Variants in LMF1 observed in about 807,000 individuals in gnomAD.
The protein encoded by LMF1 is transmembrane protein 112.
A neutral mutation model predicts 60.6 loss-of-function variants in LMF1; 68 were observed. The ratio of observed to expected loss-of-function variants is 1.12; its 90% CI spans 0.92 to 1.37. LMF1 has a LOEUF of 1.37. Ranked by LOEUF, LMF1 falls within the 40% of genes most tolerant of loss-of-function variation. The pLI, the probability that LMF1 is intolerant of heterozygous loss-of-function variation, is 0.00. For synonymous variants in LMF1, 418 were observed against 324.7 expected (o/e 1.29, Z -3.09); for missense variants, 948 against 767.2 (o/e 1.24, Z -2.78).
At chr16:936,304 G>A (rs1320168446) in intron 2 of LMF1, among the ~76,000 whole-genome samples, 1 of 144,286 alleles carries the variant, frequency 6.9e-6, no homozygotes, top group Non-Finnish European at 1.5e-5. Context: ...AGGGCACCCC[G>A]TGGGCTGAGG....
intron 10 of LMF1, among the ~76,000 whole-genome samples, chr16:860,925 C>A (rs558598158): frequency 1.8e-4 from 28 of 152,208 alleles, no homozygotes; most frequent in African/African-American, 6.5e-4. Context: ...ACCTTGTTCT[C>A]TTTCAAAATG....
chr16:953,223 A>C (rs868716395), intron 2 of LMF1, among the ~76,000 whole-genome samples: 57 of 40,362 alleles, frequency 1.4e-3, no homozygotes, highest in African/African-American at 3.9e-3. Flanking sequence ...ACCCACCCCA[A>C]ACCAGCCTCC....
chr16:890,335 C>T (rs1215848179), intron 5 of LMF1, among the ~76,000 whole-genome samples: 1 of 152,216 alleles, frequency 6.6e-6, no homozygotes, highest in Non-Finnish European at 1.5e-5. Flanking sequence ...CCCAACTCAG[C>T]GGGGCTCCCT....
At chr16:959,191 GATAA>G (rs923485651) in intron 1 of LMF1, among the ~76,000 whole-genome samples, 2 of 152,208 alleles carry the variant, frequency 1.3e-5, no homozygotes, top group African/African-American at 4.8e-5. Flanking sequence ...GGTGGAAGTG[GATAA>G]ATAACCGGAG....
chr16:911,244 G>T, intron 3 of LMF1, 165 bp from the exon 4 acceptor site: 1 of 839,622 alleles, frequency 1.2e-6, no homozygotes, highest in Non-Finnish European at 2.0e-6. Context: ...GACACGCAAG[G>T]TCAGGTCTGC....
intron 3 of LMF1, among the ~76,000 whole-genome samples, chr16:917,346 T>A: frequency 1.8e-5 from 1 of 56,300 alleles, no homozygotes; most frequent in Non-Finnish European, 3.1e-5. Context: ...GCACTGCGGG[T>A]GGGCGCAGGC....
rs180961913 is a variant in LMF1, at chr16:889,743, G to A, written c.729+3264C>T. On this transcript the variant is annotated intron_variant, in intron 5 of 10. Transcript: ENST00000262301. Reference sequence around the variant, plus strand: ...TGCAGGCAGGGGCCTGCCACCTTCCGGAATCAGGTCCTCCTTGGAGAGAGG... The same window carrying A: ...TGCAGGCAGGGGCCTGCCACCTTCCAGAATCAGGTCCTCCTTGGAGAGAGG... 6.4e-4 allele frequency among the ~76,000 whole-genome samples: 97 copies of A among 152,284 alleles called. No homozygotes were observed. The South Asian group carries it at 0.018, about 28-fold the overall frequency.
intron 10 of LMF1, among the ~76,000 whole-genome samples, chr16:862,764 G>T (rs111535466): frequency 1.3e-5 from 2 of 152,078 alleles, no homozygotes; most frequent in African/African-American, 4.8e-5. Flanking sequence ...AGGCTGAGGC[G>T]GGAGGATAAT....
At position 855,900 on chromosome 16, in the gene LMF1, G is replaced by T. The variant is rs187387927; in HGVS notation, c.1530-1194C>A. 1.2e-3 allele frequency: 560 copies of T among 456,026 alleles called. 3 individuals carry two copies. Among genetic ancestry groups the T allele is most frequent in the African/African-American group, 9.9e-3 (497 of 50,200 alleles). The allele number at this position is 456,026 out of a possible 1,614,324, so 28.2% of individuals were successfully genotyped here. ...GGGCCATGCCCCTTAGGCTGGCAGG[G>T]TGAGGGCCTCTGGGTCCACCCGGCT... is the stretch of plus-strand genomic sequence containing the variant. On this transcript the variant is annotated intron_variant, in intron 10 of 10. Transcript: ENST00000262301.
chr16:917,974 C>T (rs1363007739), intron 3 of LMF1, among the ~76,000 whole-genome samples: 2 of 152,226 alleles, frequency 1.3e-5, no homozygotes, highest in African/African-American at 4.8e-5. Context: ...AGGAGGGCCG[C>T]CCTTCTGCTG....
At chr16:970,742 C>A in intron 1 of LMF1, 46 bp downstream of exon 1, 1 of 1,474,402 alleles carries the variant, frequency 6.8e-7, no homozygotes, top group Non-Finnish European at 9.1e-7. Flanking sequence ...GGTCGTGGTG[C>A]GCGGAGGTGA....
chr16:920,119 T>C (rs1327363273), intron 3 of LMF1, among the ~76,000 whole-genome samples: 1 of 150,130 alleles, frequency 6.7e-6, no homozygotes, highest in African/African-American at 2.5e-5. Flanking sequence ...ACACCAGCCC[T>C]GGCCCGTCAG....
intron 2 of LMF1, among the ~76,000 whole-genome samples, chr16:939,953 A>C (rs1463161494): frequency 6.6e-6 from 1 of 152,076 alleles, no homozygotes; most frequent in African/African-American, 2.4e-5. Flanking sequence ...TGTGGAGGTA[A>C]TTAAGTTAAG....
chr16:974,334 C>G (rs2073095774), upstream of LMF1, among the ~76,000 whole-genome samples: 1 of 152,192 alleles, frequency 6.6e-6, no homozygotes, highest in African/African-American at 2.4e-5. Flanking sequence ...CACGTGGGCC[C>G]TGCCCTGAGC....
chr16:947,173 G>A (rs562117797), intron 2 of LMF1, among the ~76,000 whole-genome samples: 15 of 152,372 alleles, frequency 9.8e-5, no homozygotes, highest in East Asian at 3.9e-4. Flanking sequence ...GCCTGGCCTT[G>A]TGTGGCAACT....
chr16:893,140 A>G, intron 4 of LMF1, 68 bp from the exon 5 acceptor site: 1 of 1,362,418 alleles, frequency 7.3e-7, no homozygotes, highest in South Asian at 1.2e-5. Flanking sequence ...CGACAGAAAC[A>G]GCTTCCCAGG....
intron 2 of LMF1, among the ~76,000 whole-genome samples, chr16:945,296 A>G (rs2072211429): frequency 6.6e-6 from 1 of 150,928 alleles, no homozygotes; most frequent in African/African-American, 2.4e-5. Context: ...CTGAGATAGG[A>G]GTATTGAACT....
intron 4 of LMF1, among the ~76,000 whole-genome samples, chr16:896,880 T>C (rs1596938873): frequency 6.6e-6 from 1 of 152,198 alleles, no homozygotes; most frequent in African/African-American, 2.4e-5. Context: ...ATTCCTCCCA[T>C]CTATTGATTT....
At chr16:871,969 CAGT>C (rs1388659896) in intron 6 of LMF1, 1 of 152,408 alleles carries the variant, frequency 6.6e-6, no homozygotes, top group Non-Finnish European at 1.5e-5. Context: ...TCAGCAGCAG[CAGT>C]GAGTAAACCT....
Sources: gnomAD v4.1 joint callset for allele counts (sites outside exome capture counted in the v4.1 genomes callset) on GRCh38, gnomAD v4.1.1 for gene constraint, MANE v1.5 for transcripts, NCBI Gene and HGNC (gene_info 2026-07-23, HGNC 2026-07-21) for gene names.